HEXB: variants seen among roughly 807,000 people sequenced by gnomAD.
HEXB encodes the protein hexosaminidase subunit beta, also known as beta-hexosaminidase subunit beta.
HEXB carries 51 observed loss-of-function variants against 71.2 expected under a neutral mutation model. The ratio of observed to expected loss-of-function variants is 0.72; its 90% CI spans 0.57 to 0.90. HEXB has a LOEUF of 0.90. Ranked by LOEUF, HEXB falls within the 40% of genes least tolerant of loss-of-function variation. The pLI is 0.00. For synonymous variants in HEXB, 266 were observed against 249.3 expected, an observed-to-expected ratio of 1.07 and a Z score of -0.63; for missense variants, 617 against 677.0, an observed-to-expected ratio of 0.91 and a Z score of 0.98.
intron 5 of HEXB, among the ~76,000 whole-genome samples, chr5:74,704,666 T>C (rs139871492): frequency 6.6e-6 from 1 of 152,316 alleles, no homozygotes; most frequent in Non-Finnish European, 1.5e-5. Flanking sequence ...CTTGCTCTCC[T>C]CCCATACAGC....
At chr5:74,705,541 T>G (rs1749366784) in intron 6 of HEXB, 1 of 528,704 alleles carries the variant, frequency 1.9e-6, no homozygotes, top group South Asian at 2.2e-5. Context: ...ATATAAACAA[T>G]CTTGGGGAAG....
intron 1 of HEXB, among the ~76,000 whole-genome samples, chr5:74,665,868 C>T (rs1748423102): frequency 6.6e-6 from 1 of 152,060 alleles, no homozygotes. Context: ...TAAACCAACA[C>T]ATCAACAATT....
intron 5 of HEXB, among the ~76,000 whole-genome samples, chr5:74,701,780 C>T (rs1749266281): frequency 1.3e-5 from 2 of 151,804 alleles, no homozygotes; most frequent in African/African-American, 4.8e-5. Flanking sequence ...TTTATTCTCC[C>T]TCTCTAAAAA....
At chr5:74,696,390 T>C (rs1389109553) in intron 3 of HEXB, among the ~76,000 whole-genome samples, 1 of 152,182 alleles carries the variant, frequency 6.6e-6, no homozygotes, top group Non-Finnish European at 1.5e-5. Context: ...GAACCAGTAT[T>C]TTATTAAATT....
upstream of HEXB, chr5:74,685,009 C>G: frequency 4.0e-6 from 2 of 496,822 alleles, no homozygotes; most frequent in Middle Eastern, 5.2e-4. Context: ...TTAGCCATCC[C>G]GTGTTTGAGG....
intron 1 of HEXB, among the ~76,000 whole-genome samples, chr5:74,644,344 G>T (rs1747961426): frequency 6.6e-6 from 1 of 152,222 alleles, no homozygotes; most frequent in Admixed American, 6.5e-5. Flanking sequence ...CTTTGGGCAA[G>T]GTGGTGCTCT....
intron 1 of HEXB, among the ~76,000 whole-genome samples, chr5:74,670,634 A>G (rs1356960698): frequency 1.3e-5 from 2 of 152,336 alleles, no homozygotes; most frequent in African/African-American, 2.4e-5. Context: ...AGAACTGTTA[A>G]CATGCTGTCA....
At chr5:74,663,422 C>T (rs1748367374) in intron 1 of HEXB, among the ~76,000 whole-genome samples, 1 of 152,168 alleles carries the variant, frequency 6.6e-6, no homozygotes, top group South Asian at 2.1e-4. Context: ...ATGTCCTAAC[C>T]TCAGGTGATC....
chr5:74,717,158 G>T (rs1749690956), intron 9 of HEXB, among the ~76,000 whole-genome samples: 1 of 152,226 alleles, frequency 6.6e-6, no homozygotes, highest in African/African-American at 2.4e-5. Context: ...TCCAGCCTGG[G>T]CAACAGAGTG....
intron 13 of HEXB, 156 bp downstream of exon 13, chr5:74,720,903 CAG>C (rs1415089232): frequency 1.3e-6 from 1 of 786,450 alleles, no homozygotes; most frequent in Admixed American, 2.2e-5. Flanking sequence ...AAGATATATT[CAG>C]ACTTGTGACT....
At chr5:74,719,616 T>C (rs1255626568) in intron 11 of HEXB, among the ~76,000 whole-genome samples, 2 of 152,206 alleles carry the variant, frequency 1.3e-5, no homozygotes, top group Non-Finnish European at 2.9e-5. Flanking sequence ...ATGCATTTTA[T>C]GAGGACCAAA....
chr5:74,644,849 A>G (rs1429457610), intron 1 of HEXB, among the ~76,000 whole-genome samples: 1 of 125,616 alleles, frequency 8.0e-6, no homozygotes, highest in African/African-American at 3.1e-5. Context: ...TCGGCTCACT[A>G]CAACCTCCCC....
chr5:74,680,080 G>A lies in HEXB; in HGVS notation c.-376-9248G>A, dbSNP rs146948628. On this transcript the variant is annotated intron_variant, in intron 1 of 13. Coordinates refer to the HEXB transcript ENST00000511181. ...TGTCTAATGGCATGAACTTCAGTAA[G>A]ATTAACAAGGAACCAACACAGTCTT... Among the ~76,000 whole-genome samples the A allele has an allele frequency of 4.5e-3, 685 of 152,280 alleles. 4 individuals carry two copies. The highest frequency in any genetic ancestry group is 0.017 in the Middle Eastern group (5 of 294).
chr5:74,662,244 A>G (rs954870245), intron 1 of HEXB, among the ~76,000 whole-genome samples: 1 of 152,302 alleles, frequency 6.6e-6, no homozygotes, highest in East Asian at 1.9e-4. Flanking sequence ...TTTTTCACCT[A>G]ACATTATAAC....
rs200570293 is a variant in HEXB, at chr5:74,664,097, T to TA, written c.-377+23548dup. Among the ~76,000 whole-genome samples the TA allele has an allele frequency of 2.9e-3, 433 of 150,080 alleles. 2 individuals carry two copies. The highest frequency in any genetic ancestry group is 7.6e-3 in the African/African-American group (309 of 40,826). ...ATGGTGAAACCCCGTCTCTACTAAA[T>TA]AAAAAAAAATTAGCTGGGTGTGGTG... On this transcript the variant is annotated intron_variant, in intron 1 of 13. Coordinates refer to the HEXB transcript ENST00000511181.
chr5:74,704,966 C>T (rs1245188566), intron 5 of HEXB, among the ~76,000 whole-genome samples: 3 of 151,926 alleles, frequency 2.0e-5, no homozygotes, highest in African/African-American at 7.3e-5. Flanking sequence ...GTAGTGGGCG[C>T]CTGTAGTCCC....
intron 9 of HEXB, among the ~76,000 whole-genome samples, chr5:74,717,748 C>T (rs1749709036): frequency 6.6e-6 from 1 of 152,132 alleles, no homozygotes; most frequent in Non-Finnish European, 1.5e-5. Context: ...GCTGTAGTTG[C>T]CAACCCTTAT....
At position 74,675,497 on chromosome 5, in the gene HEXB, TCTC is replaced by T. The variant is rs1018384483; in HGVS notation, c.-376-13824_-376-13822del. 2.1e-4 allele frequency among the ~76,000 whole-genome samples: 32 copies of T among 152,126 alleles called. 1 individual carries two copies. The highest frequency in any genetic ancestry group is 7.2e-4 in the African/African-American group (30 of 41,410). ...AACAAGAGGCTCCACTAGTTCTCTT[TCTC>T]CTCCTCATTTTGCTATTATGTGAGG... On this transcript the variant is annotated intron_variant, in intron 1 of 13. Transcript: ENST00000511181.
upstream of HEXB, among the ~76,000 whole-genome samples, chr5:74,682,754 T>C (rs1029015777): frequency 6.6e-6 from 1 of 152,202 alleles, no homozygotes; most frequent in Non-Finnish European, 1.5e-5. Context: ...TAGGGGAGAA[T>C]AGTGTGCCAC....
Sources: gnomAD v4.1 joint callset for allele counts (sites outside exome capture counted in the v4.1 genomes callset) on GRCh38, gnomAD v4.1.1 for gene constraint, MANE v1.5 for transcripts, NCBI Gene and HGNC (gene_info 2026-07-23, HGNC 2026-07-21) for gene names.